Variants in PTN observed in about 807,000 individuals in gnomAD.
The protein encoded by PTN is pleiotrophin.
Under a neutral mutation model 24.1 loss-of-function variants are expected in PTN, and 18 were observed. The ratio of observed to expected loss-of-function variants is 0.75; its 90% CI spans 0.52 to 1.11. The LOEUF is 1.11. Ranked by LOEUF, PTN falls within the 50% of genes least tolerant of loss-of-function variation. PTN has a pLI of 0.00. For missense variants in PTN, 163 were observed against 198.8 expected, an observed-to-expected ratio of 0.82 and a Z score of 1.08; for synonymous variants, 78 against 68.6, an observed-to-expected ratio of 1.14 and a Z score of -0.67.
At position 137,280,691 on chromosome 7, in the gene PTN, T is replaced by TAACAAAAAAAAA. The variant is rs760779128; in HGVS notation, c.-1-25718_-1-25717insTTTTTTTTTGTT. Among the ~76,000 whole-genome samples the TAACAAAAAAAAA allele has an allele frequency of 6.2e-3, 91 of 14,736 alleles. 4 individuals carry two copies. Among genetic ancestry groups the TAACAAAAAAAAA allele is most frequent in the Middle Eastern group, 0.042 (1 of 24 alleles). The allele number at this position is 14,736 out of a possible 152,430, so 9.7% of individuals were successfully genotyped here. A position where few individuals can be genotyped will look rare whatever the true frequency, so the allele number is the denominator to read the frequency against. On this transcript the variant is annotated intron_variant, in intron 1 of 4. Transcript: ENST00000348225. Reference sequence around the variant, plus strand: ...CAACATGGCAAAACCCCGTCTCTACTAAAAATACAAAAAAAAAAAAAAAAA... The same window carrying TAACAAAAAAAAA: ...CAACATGGCAAAACCCCGTCTCTACTAACAAAAAAAAAAAAAATACAAAAAAAAAAAAAAAAA...
At chr7:137,236,368 G>C (rs1034548200) in intron 4 of PTN, 1 of 668,936 alleles carries the variant, frequency 1.5e-6, no homozygotes, top group African/African-American at 1.8e-5. Flanking sequence ...GTTGGGATCA[G>C]TCCCTGATCT....
chr7:137,231,295 C>T (rs1808422760), intron 4 of PTN, among the ~76,000 whole-genome samples: 1 of 151,828 alleles, frequency 6.6e-6, no homozygotes, highest in Non-Finnish European at 1.5e-5. Flanking sequence ...CTTTTCTTTG[C>T]TTCTTTCCAT....
chr7:137,228,750 A>T (rs1250132184), intron 4 of PTN, among the ~76,000 whole-genome samples: 1 of 151,740 alleles, frequency 6.6e-6, no homozygotes, highest in Non-Finnish European at 1.5e-5. Flanking sequence ...CAATCAAAAG[A>T]CTCCATTCTT....
intron 1 of PTN, among the ~76,000 whole-genome samples, chr7:137,331,916 A>G (rs1810365821): frequency 2.0e-5 from 3 of 152,226 alleles, no homozygotes; most frequent in Admixed American, 1.3e-4. Context: ...TGCAAGGACA[A>G]AGACTTTTAT....
intron 1 of PTN, among the ~76,000 whole-genome samples, chr7:137,258,496 A>G (rs1419428688): frequency 6.6e-6 from 1 of 152,098 alleles, no homozygotes; most frequent in African/African-American, 2.4e-5. Flanking sequence ...CCTTCCTTCT[A>G]TTTTGTTCAT....
rs1195315568 is a variant in PTN at position 137,309,339 on chromosome 7, G to A, written c.-2+34100C>T. 2.0e-5 allele frequency among the ~76,000 whole-genome samples: 3 copies of A among 152,162 alleles called. No homozygotes were observed. The East Asian group carries it at 5.8e-4, about 29-fold the overall frequency. On this transcript the variant is annotated intron_variant, in intron 1 of 4. Coordinates refer to ENST00000348225, the MANE Select transcript of PTN (RefSeq NM_002825.7). ...AGCATCTGAGCCTTCAATGAGACAT[G>A]ATCATTTTGCTAGCAGAGGGTCTTG...
chr7:137,229,537 T>C (rs1808393286), intron 4 of PTN, among the ~76,000 whole-genome samples: 1 of 151,810 alleles, frequency 6.6e-6, no homozygotes, highest in African/African-American at 2.4e-5. Flanking sequence ...CCAAAGTCCA[T>C]TACACACTAG....
intron 4 of PTN, among the ~76,000 whole-genome samples, chr7:137,231,358 C>A (rs772092742): frequency 2.6e-5 from 4 of 151,786 alleles, no homozygotes; most frequent in Non-Finnish European, 5.9e-5. Flanking sequence ...TCTCCTACTA[C>A]CCCAATTTGC....
chr7:137,253,609 TC>T lies in PTN; in HGVS notation c.143del (p.Gly48GlufsTer33). Reference sequence around the variant, plus strand: ...GCACACACACACTCCACTGCCATTCTCCACAGTCAGACTTCTTCACTTTTTT... The same window carrying T: ...GCACACACACACTCCACTGCCATTCTCACAGTCAGACTTCTTCACTTTTTT... ...PEKKVKKSDC[G>X]EWQWSVCVPT... On this transcript the variant is annotated frameshift_variant, in exon 3 of 5. Coordinates refer to ENST00000348225, the MANE Select transcript of PTN (RefSeq NM_002825.7). LOFTEE classifies it high-confidence loss of function. The T allele has an allele frequency of 6.4e-7, 1 of 1,563,318 alleles. No homozygotes were observed. The highest frequency in any genetic ancestry group is 8.7e-7 in the Non-Finnish European group (1 of 1,150,120).
At chr7:137,332,358 T>A (rs1810373274) in intron 1 of PTN, among the ~76,000 whole-genome samples, 1 of 151,450 alleles carries the variant, frequency 6.6e-6, no homozygotes, top group African/African-American at 2.4e-5. Flanking sequence ...CAGGTATATT[T>A]GTGTTTTCCT....
At chr7:137,308,391 T>A (rs1178180595) in intron 1 of PTN, among the ~76,000 whole-genome samples, 1 of 152,216 alleles carries the variant, frequency 6.6e-6, no homozygotes, top group South Asian at 2.1e-4. Flanking sequence ...AACATCACTA[T>A]GTCACAGAAA....
At chr7:137,289,702 G>A (rs1302088674) in intron 1 of PTN, among the ~76,000 whole-genome samples, 4 of 152,116 alleles carry the variant, frequency 2.6e-5, no homozygotes, top group South Asian at 4.1e-4. Context: ...TGACAGCAAG[G>A]AAAGAGGTAC....
chr7:137,255,833 G>A (rs989508451), intron 1 of PTN, among the ~76,000 whole-genome samples: 1 of 152,300 alleles, frequency 6.6e-6, no homozygotes, highest in East Asian at 1.9e-4. Context: ...GCTCCAGGAC[G>A]ACCCACTTCC....
intron 1 of PTN, among the ~76,000 whole-genome samples, chr7:137,257,712 A>C (rs982786601): frequency 6.6e-6 from 1 of 152,180 alleles, no homozygotes; most frequent in Non-Finnish European, 1.5e-5. Flanking sequence ...TCCAAGTTAA[A>C]ATTTACCTGC....
rs869311084 is a variant in PTN at position 137,269,624 on chromosome 7, A to ATTT, written c.-1-14653_-1-14651dup. On this transcript the variant is annotated intron_variant, in intron 1 of 4. Coordinates refer to ENST00000348225, the MANE Select transcript of PTN (RefSeq NM_002825.7). ...TGCTATCTGTCAAGCTGCTTCATCT[A>ATTT]TTTTTTTTTTTTTTTTTTTTTTTTT... Among the ~76,000 whole-genome samples, 208 of 63,010 alleles carry ATTT rather than the reference A, an allele frequency of 3.3e-3. 35 individuals carry two copies. Among genetic ancestry groups the ATTT allele is most frequent in the Non-Finnish European group, 5.0e-3 (166 of 32,972 alleles). The allele number at this position is 63,010 out of a possible 152,430, so 41.3% of individuals were successfully genotyped here.
chr7:137,327,947 T>G (rs116357940), intron 1 of PTN, among the ~76,000 whole-genome samples: 102 of 152,300 alleles, frequency 6.7e-4, no homozygotes, highest in African/African-American at 2.3e-3. Context: ...GGCGGACACC[T>G]TGTTATTCAG....
chr7:137,343,347 CCAT>C (rs1585052933), intron 1 of PTN, 89 bp downstream of exon 1: 3 of 401,370 alleles, frequency 7.5e-6, no homozygotes, highest in Non-Finnish European at 1.0e-5. Flanking sequence ...ACCCCTACCA[CCAT>C]CATCTGCTGG....
At chr7:137,245,755 T>C (rs1808711555) in intron 4 of PTN, among the ~76,000 whole-genome samples, 1 of 152,174 alleles carries the variant, frequency 6.6e-6, no homozygotes, top group Non-Finnish European at 1.5e-5. Flanking sequence ...AAGACAGTGA[T>C]GTTGATGAAC....
At chr7:137,288,367 G>A (rs1408109308) in intron 1 of PTN, among the ~76,000 whole-genome samples, 1 of 152,136 alleles carries the variant, frequency 6.6e-6, no homozygotes, top group Non-Finnish European at 1.5e-5. Context: ...CAGGAGCTCT[G>A]CCTCGTTTTC....
Sources: allele counts gnomAD v4.1 joint callset (sites outside exome capture counted in the v4.1 genomes callset), GRCh38; gene constraint gnomAD v4.1.1; transcripts MANE v1.5; gene names NCBI Gene and HGNC (gene_info 2026-07-23, HGNC 2026-07-21).